The following HMGN3 variants were observed in gnomAD, a reference collection of about 807,000 sequenced individuals.
The protein encoded by HMGN3 is high mobility group nucleosomal binding domain 3.
In HMGN3, 6 loss-of-function variants were observed where a neutral mutation model predicts 18.8. The observed-to-expected ratio is 0.32, with a 90% CI of 0.18 to 0.63. The LOEUF (loss-of-function observed/expected upper bound fraction) is 0.63. Ranked by LOEUF, HMGN3 falls within the 30% of genes least tolerant of loss-of-function variation. The probability of loss-of-function intolerance (pLI) is 0.79; values close to 1 mark genes in which losing one functional copy is unlikely to be tolerated. For synonymous variants in HMGN3, 40 were observed against 36.5 expected, an observed-to-expected ratio of 1.10 and a Z score of -0.35; for missense variants, 107 against 114.2, an observed-to-expected ratio of 0.94 and a Z score of 0.29.
intron 3 of HMGN3, among the ~76,000 whole-genome samples, chr6:79,205,189 G>C (rs1776358115): frequency 6.6e-6 from 1 of 152,174 alleles, no homozygotes; most frequent in African/African-American, 2.4e-5. Flanking sequence ...TGACTTACAA[G>C]GTCTGTTCCC....
chr6:79,224,715 G>A (rs1777477546), intron 1 of HMGN3, among the ~76,000 whole-genome samples: 1 of 152,158 alleles, frequency 6.6e-6, no homozygotes. Context: ...GAAGAGTAGA[G>A]CTTCCAAGAC....
rs141660714 is a variant in HMGN3, at chr6:79,221,555, T to C, written c.16-6533A>G. 6.6e-5 allele frequency among the ~76,000 whole-genome samples: 10 copies of C among 152,354 alleles called. No individual in the cohort carries two copies. The East Asian group carries it at 1.9e-3, about 29-fold the overall frequency. On this transcript the variant is annotated intron_variant, in intron 1 of 5. Transcript: ENST00000344726. ...ATCAACAAGGTTTGCTGACCTTCTT[T>C]CATGTAAACAGTGCTTACCACAACA...
chr6:79,234,377 G>GAC, intron 1 of HMGN3, 169 bp downstream of exon 1: 3 of 428,596 alleles, frequency 7.0e-6, no homozygotes, highest in Non-Finnish European at 8.3e-6. Flanking sequence ...GGGTAGGGGG[G>GAC]ACAGAGAGAG....
chr6:79,204,697 C>A (rs565993180), intron 3 of HMGN3, among the ~76,000 whole-genome samples: 12 of 152,270 alleles, frequency 7.9e-5, no homozygotes, highest in Admixed American at 3.3e-4. Context: ...GAATCTGCCC[C>A]TTTTCATCAA....
chr6:79,201,900 A>G (rs1268067392), intron 5 of HMGN3, 163 bp downstream of exon 6: 1 of 985,056 alleles, frequency 1.0e-6, no homozygotes, highest in Non-Finnish European at 1.2e-6. Context: ...GGAATATATT[A>G]CACAAACACT....
chr6:79,217,989 A>G (rs1777080541), intron 1 of HMGN3, among the ~76,000 whole-genome samples: 1 of 152,230 alleles, frequency 6.6e-6, no homozygotes, highest in African/African-American at 2.4e-5. Flanking sequence ...ACAGGCTTAC[A>G]CTAATCCAGT....
rs1309430785 is a variant in HMGN3, at chr6:79,202,118, G to A, written c.261+158C>T. Reference sequence around the variant, plus strand: ...CAGTGTGCTGGGTGGGGTGCCTCTGGAGGTTGAGACATTAACAGTTGAGCG... The same window carrying A: ...CAGTGTGCTGGGTGGGGTGCCTCTGAAGGTTGAGACATTAACAGTTGAGCG... On this transcript the variant is annotated intron_variant, in intron 5 of 5. Transcript: ENST00000344726. The A allele has an allele frequency of 1.9e-6, 3 of 1,546,082 alleles. No individual in the cohort carries two copies. In the East Asian group the frequency reaches 7.2e-5, roughly 37 times the overall value.
At chr6:79,213,574 T>C (rs1405319910) in intron 2 of HMGN3, among the ~76,000 whole-genome samples, 3 of 152,242 alleles carry the variant, frequency 2.0e-5, no homozygotes, top group Non-Finnish European at 2.9e-5. Flanking sequence ...TTTATCATTT[T>C]TTGGTTGGTT....
exon 6 of HMGN3, chr6:79,201,446 T>C (rs1776128966): frequency 8.3e-6 from 4 of 483,914 alleles, no homozygotes; most frequent in East Asian, 3.1e-5. Flanking sequence ...AGCAAGTGCA[T>C]GGAATGCTGA....
intron 2 of HMGN3, among the ~76,000 whole-genome samples, chr6:79,212,194 A>G (rs1776723817): frequency 6.6e-6 from 1 of 152,192 alleles, no homozygotes; most frequent in African/African-American, 2.4e-5. Context: ...TAAAAGGGCC[A>G]TAGGGATAGC....
intron 1 of HMGN3, among the ~76,000 whole-genome samples, chr6:79,215,326 GA>G (rs1776920814): frequency 6.6e-6 from 1 of 152,202 alleles, no homozygotes; most frequent in South Asian, 2.1e-4. Flanking sequence ...TCCAGTTAAA[GA>G]ACAGGGGCCA....
intron 1 of HMGN3, among the ~76,000 whole-genome samples, chr6:79,224,414 A>C (rs1211163819): frequency 6.6e-6 from 1 of 152,230 alleles, no homozygotes; most frequent in Non-Finnish European, 1.5e-5. Context: ...AGTGCTTCCT[A>C]TTCTCCATCA....
At chr6:79,219,642 T>G (rs1777170195) in intron 1 of HMGN3, among the ~76,000 whole-genome samples, 3 of 152,154 alleles carry the variant, frequency 2.0e-5, no homozygotes, top group Admixed American at 2.0e-4. Flanking sequence ...ATTTTAGATT[T>G]TCTAATTGCC....
intron 2 of HMGN3, among the ~76,000 whole-genome samples, chr6:79,209,579 ACT>A (rs1776582381): frequency 6.6e-6 from 1 of 152,170 alleles, no homozygotes; most frequent in Non-Finnish European, 1.5e-5. Flanking sequence ...CCTAATTCTC[ACT>A]GCCTTATGCA....
intron 1 of HMGN3, among the ~76,000 whole-genome samples, chr6:79,217,788 A>G (rs1437328836): frequency 3.3e-5 from 5 of 152,240 alleles, no homozygotes; most frequent in Non-Finnish European, 5.9e-5. Context: ...AGAAACCCAA[A>G]GCTTTTTGTG....
intron 1 of HMGN3, among the ~76,000 whole-genome samples, chr6:79,223,739 C>A (rs1217697281): frequency 2.7e-5 from 4 of 147,482 alleles, no homozygotes; most frequent in African/African-American, 1.0e-4. Context: ...CTAGAGTTAC[C>A]TTTTTTTTTT....
exon 6 of HMGN3, chr6:79,201,641 G>T: frequency 7.9e-7 from 1 of 1,270,928 alleles, no homozygotes; most frequent in Non-Finnish European, 1.1e-6. Flanking sequence ...GCTTTTAAAA[G>T]TTGTCCCAAG....
intron 1 of HMGN3, among the ~76,000 whole-genome samples, chr6:79,229,173 ATATT>A (rs2127840713): frequency 6.6e-6 from 1 of 152,346 alleles, no homozygotes; most frequent in East Asian, 1.9e-4. Context: ...AATTAGGCAA[ATATT>A]TATTAGATAT....
At chr6:79,213,360 G>T (rs1776794830) in intron 2 of HMGN3, among the ~76,000 whole-genome samples, 1 of 152,108 alleles carries the variant, frequency 6.6e-6, no homozygotes, top group African/African-American at 2.4e-5. Flanking sequence ...TGGTGTAGTG[G>T]GATTGGAAAG....
Sources: gnomAD v4.1 joint callset for allele counts (sites outside exome capture counted in the v4.1 genomes callset) on GRCh38, gnomAD v4.1.1 for gene constraint, MANE v1.5 for transcripts, NCBI Gene and HGNC (gene_info 2026-07-23, HGNC 2026-07-21) for gene names.